Variants in ARHGEF33 observed in about 807,000 individuals in gnomAD.
ARHGEF33 encodes the protein Rho guanine nucleotide exchange factor 33.
Under a neutral mutation model 101.9 loss-of-function variants are expected in ARHGEF33, and 72 were observed. That is an observed-to-expected ratio of 0.71 (90% CI 0.58 to 0.86). The LOEUF (loss-of-function observed/expected upper bound fraction) is 0.86. Among genes scored for constraint, ARHGEF33 ranks in the 40% least tolerant of loss-of-function variants. The probability of loss-of-function intolerance (pLI) is 0.00; values close to 1 mark genes in which losing one functional copy is unlikely to be tolerated. For synonymous variants in ARHGEF33, 499 were observed against 442.5 expected, an observed-to-expected ratio of 1.13 and a Z score of -1.60; for missense variants, 1,169 against 1,111.3, an observed-to-expected ratio of 1.05 and a Z score of -0.74.
At chr2:38,963,806 G>C (rs1667996902) in intron 16 of ARHGEF33, among the ~76,000 whole-genome samples, 1 of 152,164 alleles carries the variant, frequency 6.6e-6, no homozygotes, top group African/African-American at 2.4e-5. Flanking sequence ...TAAACATTAA[G>C]TGTAGGTGGG....
chr2:38,894,563 C>T (rs1044100919), intron 1 of ARHGEF33, among the ~76,000 whole-genome samples: 2 of 152,126 alleles, frequency 1.3e-5, no homozygotes, highest in Non-Finnish European at 2.9e-5. Context: ...AGTGAGAGGC[C>T]CCCAGGTTCC....
chr2:38,906,748 C>T (rs1046252343), intron 2 of ARHGEF33, among the ~76,000 whole-genome samples: 4 of 147,298 alleles, frequency 2.7e-5, no homozygotes, highest in Non-Finnish European at 5.9e-5. Flanking sequence ...GCAGGAGGAT[C>T]GCTCGAGCAC....
Position 38,889,996 on chromosome 2 carries a change from C to T in ARHGEF33, c.-159+10C>T, listed in dbSNP as rs753813586. The stretch of plus-strand genomic sequence containing the variant: ...CCGCAGGCAACATGGGGTAAGTATG[C>T]GCTTTTATATGCTTTAAGGGGCACT... On this transcript the variant is annotated intron_variant, in intron 1 of 17. Coordinates refer to ENST00000409978, the MANE Select transcript of ARHGEF33 (RefSeq NM_001145451.5). 1.2e-4 allele frequency: 56 copies of T among 466,374 alleles called. No individual in the cohort carries two copies. The highest frequency in any genetic ancestry group is 7.0e-4 in the East Asian group (10 of 14,246). 28.9% of individuals were successfully genotyped at this position (466,374 alleles called of 1,614,324 possible). A position where few individuals can be genotyped will look rare whatever the true frequency, so the allele number is the denominator to read the frequency against.
At chr2:38,918,973 G>A (rs1666697034) in intron 2 of ARHGEF33, among the ~76,000 whole-genome samples, 2 of 152,208 alleles carry the variant, frequency 1.3e-5, no homozygotes, top group African/African-American at 2.4e-5. Flanking sequence ...TTGAGCCCAG[G>A]AGGTCAAAGC....
chr2:38,943,611 A>G (rs907430550), intron 9 of ARHGEF33, among the ~76,000 whole-genome samples: 5 of 152,180 alleles, frequency 3.3e-5, no homozygotes, highest in African/African-American at 1.2e-4. Flanking sequence ...TGCTTTCAGC[A>G]TTGTCCCTTA....
chr2:38,901,001 C>G (rs1558422646), intron 2 of ARHGEF33, among the ~76,000 whole-genome samples: 1 of 152,074 alleles, frequency 6.6e-6, no homozygotes. Flanking sequence ...CACAAGAAAA[C>G]CAGACTCAGC....
intron 2 of ARHGEF33, among the ~76,000 whole-genome samples, chr2:38,898,409 C>T (rs1399220927): frequency 2.0e-5 from 3 of 152,160 alleles, no homozygotes; most frequent in Non-Finnish European, 4.4e-5. Flanking sequence ...CAAGATGGAT[C>T]GCTCACTCCT....
chr2:38,922,581 C>T (rs1359604822), intron 4 of ARHGEF33, among the ~76,000 whole-genome samples: 4 of 152,182 alleles, frequency 2.6e-5, no homozygotes, highest in Non-Finnish European at 5.9e-5. Flanking sequence ...GGGAAAGGGC[C>T]TCATTTCAAC....
intron 9 of ARHGEF33, among the ~76,000 whole-genome samples, chr2:38,942,467 T>TC (rs1464033174): frequency 1.3e-5 from 1 of 76,782 alleles, no homozygotes; most frequent in African/African-American, 6.2e-5. Flanking sequence ...GCCCCTCTTA[T>TC]CTTTTTTTTT....
intron 2 of ARHGEF33, among the ~76,000 whole-genome samples, chr2:38,915,946 A>C (rs1303420919): frequency 1.3e-5 from 2 of 152,126 alleles, no homozygotes; most frequent in Admixed American, 6.5e-5. Context: ...GGGTCCCTTA[A>C]GCCTAAGAGT....
At chr2:38,945,433 G>C (rs1362875255) in intron 10 of ARHGEF33, among the ~76,000 whole-genome samples, 1 of 152,214 alleles carries the variant, frequency 6.6e-6, no homozygotes, top group Non-Finnish European at 1.5e-5. Context: ...GAACAGAAAG[G>C]CTAAGGTGAC....
chr2:38,955,015 C>CAGCTG (rs1667704590), intron 13 of ARHGEF33, among the ~76,000 whole-genome samples: 1 of 152,196 alleles, frequency 6.6e-6, no homozygotes, highest in South Asian at 2.1e-4. Context: ...ACTTCCACCT[C>CAGCTG]AGCTGATCCA....
At chr2:38,955,802 G>C (rs1667726645) in intron 13 of ARHGEF33, among the ~76,000 whole-genome samples, 1 of 151,704 alleles carries the variant, frequency 6.6e-6, no homozygotes. Context: ...TCAGCCTCCG[G>C]AGTAGCTGGG....
At chr2:38,923,700 A>G (rs1031545420) in intron 4 of ARHGEF33, among the ~76,000 whole-genome samples, 8 of 152,224 alleles carry the variant, frequency 5.3e-5, no homozygotes, top group Non-Finnish European at 1.2e-4. Flanking sequence ...CTTTGAGCCA[A>G]GAGGTCTCAT....
intron 2 of ARHGEF33, among the ~76,000 whole-genome samples, chr2:38,898,117 A>C (rs998087545): frequency 6.6e-6 from 1 of 152,232 alleles, no homozygotes. Context: ...TCATGAGAAT[A>C]GTAATTTGGA....
rs1558431903 is a variant in ARHGEF33 at position 38,931,114 on chromosome 2, C to T, written c.368C>T (p.Thr123Ile). 1.3e-6 allele frequency: 2 copies of T among 1,542,512 alleles called. No homozygotes were observed. Among genetic ancestry groups the T allele is most frequent in the Non-Finnish European group, 1.7e-6 (2 of 1,144,692 alleles). Residue 123 changes from threonine (T) to isoleucine (I), a missense_variant, in exon 7 of 18, where the codon ACT (threonine) becomes ATT (isoleucine). Coordinates refer to ENST00000409978, the MANE Select transcript of ARHGEF33 (RefSeq NM_001145451.5). ...TCTTTGTTTCTCTTTCCTAGGAAAA[C>T]TCAAAAAGAAGAGCACAGCTCACAG... ...RESRKVKAKKTQKEEHSSQAG... is the reference protein window; with the variant it reads ...RESRKVKAKKIQKEEHSSQAG...
At chr2:38,899,582 T>C (rs764317634) in intron 2 of ARHGEF33, among the ~76,000 whole-genome samples, 44 of 152,072 alleles carry the variant, frequency 2.9e-4, no homozygotes, top group Non-Finnish European at 4.7e-4. Flanking sequence ...TGGAGACGCG[T>C]TGGTCAAAGG....
chr2:38,972,224 A>G (rs987887789), intron 17 of ARHGEF33, among the ~76,000 whole-genome samples: 11 of 152,170 alleles, frequency 7.2e-5, no homozygotes, highest in African/African-American at 2.7e-4. Context: ...ATCTTCCTAA[A>G]TTTGGGGCAC....
At chr2:38,907,043 A>G (rs533217932) in intron 2 of ARHGEF33, among the ~76,000 whole-genome samples, 2 of 152,284 alleles carry the variant, frequency 1.3e-5, no homozygotes, top group African/African-American at 2.4e-5. Context: ...GGTATAAGAC[A>G]TGAGTTGCCC....
Sources: allele counts gnomAD v4.1 joint callset (sites outside exome capture counted in the v4.1 genomes callset), GRCh38; gene constraint gnomAD v4.1.1; transcripts MANE v1.5; gene names NCBI Gene and HGNC (gene_info 2026-07-23, HGNC 2026-07-21).